The following TRAM2 variants were observed in gnomAD, a reference collection of about 807,000 sequenced individuals.
TRAM2 encodes translocation associated membrane protein 2.
In TRAM2, 12 loss-of-function variants were observed where a neutral mutation model predicts 51.0. That is an observed-to-expected ratio of 0.24 (90% CI 0.15 to 0.38). The LOEUF (loss-of-function observed/expected upper bound fraction) is 0.38. Among genes scored for constraint, TRAM2 ranks in the 10% least tolerant of loss-of-function variants. TRAM2 has a pLI of 1.00. For synonymous variants in TRAM2, 175 were observed against 179.4 expected, an observed-to-expected ratio of 0.98 and a Z score of 0.20; for missense variants, 361 against 462.0, an observed-to-expected ratio of 0.78 and a Z score of 2.00.
At chr6:52,538,487 G>A (rs79911410) in intron 1 of TRAM2, among the ~76,000 whole-genome samples, 1,527 of 152,260 alleles carry the variant, frequency 0.01, 38 homozygotes, top group African/African-American at 0.034. Flanking sequence ...GGTCTTGGGC[G>A]GGTATGAGGA....
chr6:52,506,782 C>T (rs143545032), intron 7 of TRAM2, among the ~76,000 whole-genome samples: 141 of 152,262 alleles, frequency 9.3e-4, no homozygotes, highest in African/African-American at 3.2e-3. Flanking sequence ...AGACAGGAGA[C>T]AGAGTTTGAG....
chr6:52,524,995 AG>A (rs1766750277), intron 2 of TRAM2: 1 of 152,296 alleles, frequency 6.6e-6, no homozygotes, highest in South Asian at 2.1e-4. Context: ...GGAACAGAAG[AG>A]TCACTTGCTC....
chr6:52,510,818 T>A (rs1203650355), intron 4 of TRAM2, among the ~76,000 whole-genome samples: 3 of 152,208 alleles, frequency 2.0e-5, no homozygotes, highest in Admixed American at 2.0e-4. Context: ...CATCCAAGGA[T>A]GCTCCACAGA....
At chr6:52,528,770 T>G (rs1056171683) in intron 2 of TRAM2, among the ~76,000 whole-genome samples, 1 of 152,134 alleles carries the variant, frequency 6.6e-6, no homozygotes, top group Non-Finnish European at 1.5e-5. Flanking sequence ...AACCTTTCTC[T>G]GGAAGAGTTC....
At chr6:52,503,626 T>A (rs1414565016) in intron 10 of TRAM2, among the ~76,000 whole-genome samples, 1 of 152,146 alleles carries the variant, frequency 6.6e-6, no homozygotes, top group Non-Finnish European at 1.5e-5. Flanking sequence ...ACTTAGATGC[T>A]GTCACTGCTC....
At chr6:52,512,301 AC>A (rs1405028345) in intron 4 of TRAM2, among the ~76,000 whole-genome samples, 2 of 152,170 alleles carry the variant, frequency 1.3e-5, no homozygotes, top group Non-Finnish European at 2.9e-5. Context: ...AGAGGTCAGA[AC>A]TTTGAAGCCA....
At chr6:52,539,807 G>A (rs1767045677) in intron 1 of TRAM2, among the ~76,000 whole-genome samples, 1 of 152,016 alleles carries the variant, frequency 6.6e-6, no homozygotes. Context: ...CCCTCATCCT[G>A]TCATCTGTCC....
intron 1 of TRAM2, among the ~76,000 whole-genome samples, chr6:52,539,059 A>G (rs1767029802): frequency 6.6e-6 from 1 of 152,258 alleles, no homozygotes; most frequent in Non-Finnish European, 1.5e-5. Context: ...GCCATAACTC[A>G]TGCCAGAATA....
chr6:52,504,158 CAGA>C (rs542045550), intron 10 of TRAM2, among the ~76,000 whole-genome samples: 144 of 152,324 alleles, frequency 9.5e-4, no homozygotes, highest in African/African-American at 3.3e-3. Flanking sequence ...TTCTTGGAGA[CAGA>C]GGAGGAGCCA....
Position 52,502,904 on chromosome 6 carries a change from C to G in TRAM2, c.*293G>C. ...GACAGAGCAAGCAGAAAGGTGCCAG[C>G]CATGGGCGCCTGGCGTTCCAGAAAA... On this transcript the variant is annotated 3_prime_UTR_variant, in exon 11 of 11. Transcript: ENST00000182527. 2 of 419,858 alleles carry G rather than the reference C, an allele frequency of 4.8e-6. No homozygotes were observed. The highest frequency in any genetic ancestry group is 8.5e-6 in the Non-Finnish European group (2 of 235,114). 26.0% of individuals were successfully genotyped at this position (419,858 alleles called of 1,614,324 possible).
In TRAM2 at chr6:52,556,621, G is replaced by A. The variant is rs115182298; in HGVS notation, c.120+20175C>T. 1.5e-3 allele frequency among the ~76,000 whole-genome samples: 226 copies of A among 152,036 alleles called. 1 individual carries two copies. The highest frequency in any genetic ancestry group is 5.1e-3 in the African/African-American group (213 of 41,520). ...CTTAACAGTCTTCGTGGGTCAGGCA[G>A]CAATGTTTGAGTGTAAAAGGTATAG... On this transcript the variant is annotated intron_variant, in intron 1 of 10. Transcript: ENST00000182527.
At chr6:52,557,784 G>C (rs1286209387) in intron 1 of TRAM2, among the ~76,000 whole-genome samples, 1 of 152,070 alleles carries the variant, frequency 6.6e-6, no homozygotes, top group African/African-American at 2.4e-5. Context: ...CTTTCAAGAG[G>C]TCTCCATGGA....
rs1766218349 is a variant in TRAM2 at position 52,501,350 on chromosome 6, T to C, written c.*1847A>G. On this transcript the variant is annotated 3_prime_UTR_variant, in exon 11 of 11. Coordinates refer to ENST00000182527, the MANE Select transcript of TRAM2 (RefSeq NM_012288.4). ...TCAGTTACTGGGAAGCTAAAATTTATCTATGATGTAAGTGACTTGGAGAAG... is the reference window on the plus strand; with the variant it reads ...TCAGTTACTGGGAAGCTAAAATTTACCTATGATGTAAGTGACTTGGAGAAG... The C allele has an allele frequency of 6.6e-6, 1 of 152,174 alleles. No homozygotes were observed. Among genetic ancestry groups the C allele is most frequent in the Admixed American group, 6.5e-5 (1 of 15,280 alleles). The allele number at this position is 152,174 out of a possible 1,614,324, so 9.4% of individuals were successfully genotyped here.
At chr6:52,557,580 A>C (rs1395966479) in intron 1 of TRAM2, among the ~76,000 whole-genome samples, 1 of 152,218 alleles carries the variant, frequency 6.6e-6, no homozygotes, top group Non-Finnish European at 1.5e-5. Context: ...CCACGCATGC[A>C]TAACACCGTA....
intron 1 of TRAM2, among the ~76,000 whole-genome samples, chr6:52,537,515 C>T (rs1393999564): frequency 6.6e-6 from 1 of 152,202 alleles, no homozygotes; most frequent in Non-Finnish European, 1.5e-5. Context: ...TAGAATCTCA[C>T]ACATCCCTTC....
intron 4 of TRAM2, among the ~76,000 whole-genome samples, chr6:52,515,724 A>G (rs896372257): frequency 6.6e-6 from 1 of 152,240 alleles, no homozygotes; most frequent in Non-Finnish European, 1.5e-5. Flanking sequence ...ATGTAGATAC[A>G]TGGTATCATT....
At chr6:52,538,217 C>A (rs1037653027) in intron 1 of TRAM2, among the ~76,000 whole-genome samples, 5 of 152,228 alleles carry the variant, frequency 3.3e-5, no homozygotes, top group African/African-American at 1.2e-4. Context: ...CCTGCCTAGG[C>A]ACATATCTCC....
chr6:52,545,975 A>G (rs1767191587), intron 1 of TRAM2, among the ~76,000 whole-genome samples: 1 of 152,194 alleles, frequency 6.6e-6, no homozygotes, highest in Non-Finnish European at 1.5e-5. Context: ...CAGATAAATC[A>G]GTATGCAAAA....
chr6:52,571,066 G>A (rs1767672651), intron 1 of TRAM2, among the ~76,000 whole-genome samples: 1 of 151,366 alleles, frequency 6.6e-6, no homozygotes, highest in Non-Finnish European at 1.5e-5. Flanking sequence ...TACTTTTACT[G>A]TTTCCCCCCC....
Sources: allele counts gnomAD v4.1 joint callset (sites outside exome capture counted in the v4.1 genomes callset), GRCh38; gene constraint gnomAD v4.1.1; transcripts MANE v1.5; gene names NCBI Gene and HGNC (gene_info 2026-07-23, HGNC 2026-07-21).